The following RAP2A variants were observed in gnomAD, a reference collection of about 807,000 sequenced individuals.
The protein encoded by RAP2A is ras-related protein Rap-2a.
RAP2A carries 5 observed loss-of-function variants against 15.1 expected under a neutral mutation model. The observed-to-expected ratio is 0.33, with a 90% CI of 0.17 to 0.70. The LOEUF is 0.70. Among genes scored for constraint, RAP2A ranks in the 30% least tolerant of loss-of-function variants. The pLI is 0.68. For missense variants in RAP2A, 111 were observed against 240.3 expected, an observed-to-expected ratio of 0.46 and a Z score of 3.56; for synonymous variants, 110 against 99.7, an observed-to-expected ratio of 1.10 and a Z score of -0.62.
rs566319778 is a variant in RAP2A, at chr13:97,463,377, C to T, written c.315-828C>T. Among the ~76,000 whole-genome samples the T allele has an allele frequency of 2.6e-5, 4 of 152,202 alleles. No individual in the cohort carries two copies. In the South Asian group the frequency reaches 8.3e-4, roughly 32 times the overall value. On this transcript the variant is annotated intron_variant, in intron 1 of 1. Transcript: ENST00000245304. Reference sequence around the variant, plus strand: ...TCACTTACTATTTTTATTAGTTTAGCTTTTTCCAAACGTGTTTACTCAGAG... The same window carrying T: ...TCACTTACTATTTTTATTAGTTTAGTTTTTTCCAAACGTGTTTACTCAGAG...
intron 1 of RAP2A, among the ~76,000 whole-genome samples, chr13:97,435,219 A>T (rs2066627810): frequency 6.6e-6 from 1 of 152,216 alleles, no homozygotes; most frequent in Admixed American, 6.5e-5. Flanking sequence ...AGTCAAGTCC[A>T]GAGGAAGGAG....
At chr13:97,458,210 A>C (rs2066732027) in intron 1 of RAP2A, among the ~76,000 whole-genome samples, 1 of 152,192 alleles carries the variant, frequency 6.6e-6, no homozygotes, top group Non-Finnish European at 1.5e-5. Context: ...TGAAAAGATG[A>C]ATGAGGGGAC....
Position 97,434,441 on chromosome 13 carries a change from G to C in RAP2A, c.-30G>C. ...GCCGGCGTAGGTCTATGTCGCGGGCGGCGGCGGCGGCGGCGGCCGCGGAGG... is the reference window on the plus strand; with the variant it reads ...GCCGGCGTAGGTCTATGTCGCGGGCCGCGGCGGCGGCGGCGGCCGCGGAGG... On this transcript the variant is annotated 5_prime_UTR_variant, in exon 1 of 2. Coordinates refer to ENST00000245304, the MANE Select transcript of RAP2A (RefSeq NM_021033.7). 1 of 1,545,704 alleles carries C rather than the reference G, an allele frequency of 6.5e-7. No homozygotes were observed. Among genetic ancestry groups the C allele is most frequent in the Non-Finnish European group, 8.7e-7 (1 of 1,145,276 alleles).
rs903885941 is a variant in RAP2A, at chr13:97,467,464, A to C, written c.*3022A>C. 4 of 152,550 alleles carry C rather than the reference A, an allele frequency of 2.6e-5. No homozygotes were observed. Among genetic ancestry groups the C allele is most frequent in the Non-Finnish European group, 4.4e-5 (3 of 68,034 alleles). The allele number at this position is 152,550 out of a possible 1,614,324, so 9.4% of individuals were successfully genotyped here. A position where few individuals can be genotyped will look rare whatever the true frequency, so the allele number is the denominator to read the frequency against. ...TTTTCTATATAAAGAAATGTTGCCT[A>C]AGGCTGTCTGGTATTTCTTTTCAAG... On this transcript the variant is annotated 3_prime_UTR_variant, in exon 2 of 2. Coordinates refer to ENST00000245304, the MANE Select transcript of RAP2A (RefSeq NM_021033.7).
At chr13:97,461,990 T>TATATATATATATATATATA (rs1566475726) in intron 1 of RAP2A, among the ~76,000 whole-genome samples, 3 of 141,768 alleles carry the variant, frequency 2.1e-5, no homozygotes, top group African/African-American at 7.9e-5. Context: ...ATATATATAT[T>TATATATATATATATATATA]TATATATTTA....
intron 1 of RAP2A, among the ~76,000 whole-genome samples, chr13:97,439,825 C>T (rs1337409112): frequency 2.0e-5 from 3 of 151,926 alleles, no homozygotes; most frequent in East Asian, 1.9e-4. Flanking sequence ...TTGCAGTAGG[C>T]GAGAAGGCGT....
In RAP2A at chr13:97,464,661, A is replaced by G. The variant is rs1264307696; in HGVS notation, c.*219A>G. The G allele has an allele frequency of 3.5e-6, 2 of 570,906 alleles. No homozygotes were observed. Among genetic ancestry groups the G allele is most frequent in the Non-Finnish European group, 6.2e-6 (2 of 321,624 alleles). The allele number at this position is 570,906 out of a possible 1,614,324, so 35.4% of individuals were successfully genotyped here. ...CATTTGTCCTCAGTCTCCTTTATGCATCTGCAACTTTAAGGCATAGTCCAT... is the reference window on the plus strand; with the variant it reads ...CATTTGTCCTCAGTCTCCTTTATGCGTCTGCAACTTTAAGGCATAGTCCAT... On this transcript the variant is annotated 3_prime_UTR_variant, in exon 2 of 2. Transcript: ENST00000245304.
At chr13:97,453,957 G>A (rs1180448803) in intron 1 of RAP2A, among the ~76,000 whole-genome samples, 3 of 151,218 alleles carry the variant, frequency 2.0e-5, no homozygotes, top group African/African-American at 7.3e-5. Flanking sequence ...TCAGTGAAAT[G>A]TCTATTCATG....
Position 97,467,973 on chromosome 13 carries a change from A to G in RAP2A, c.*3531A>G. ...ATTTGGAGTTAAATTATTTTAACAAATAAATTTATTTAATGAAACTCTGGA... is the reference window on the plus strand; with the variant it reads ...ATTTGGAGTTAAATTATTTTAACAAGTAAATTTATTTAATGAAACTCTGGA... On this transcript the variant is annotated 3_prime_UTR_variant, in exon 2 of 2. Coordinates refer to ENST00000245304, the MANE Select transcript of RAP2A (RefSeq NM_021033.7). The G allele has an allele frequency of 6.6e-6, 1 of 152,456 alleles. No individual in the cohort carries two copies. Among genetic ancestry groups the G allele is most frequent in the Middle Eastern group, 3.2e-3 (1 of 314 alleles). The allele number at this position is 152,456 out of a possible 1,614,324, so 9.4% of individuals were successfully genotyped here.
chr13:97,439,510 C>G (rs1224763798), intron 1 of RAP2A, among the ~76,000 whole-genome samples: 1 of 152,060 alleles, frequency 6.6e-6, no homozygotes, highest in Non-Finnish European at 1.5e-5. Flanking sequence ...TTGAAATGAA[C>G]AAATAGGATT....
chr13:97,445,930 A>G (rs541223827), intron 1 of RAP2A, among the ~76,000 whole-genome samples: 1 of 152,212 alleles, frequency 6.6e-6, no homozygotes, highest in African/African-American at 2.4e-5. Context: ...ATCTGGTTTT[A>G]TTGAAGGAAA....
At chr13:97,450,447 C>T (rs1004118152) in intron 1 of RAP2A, among the ~76,000 whole-genome samples, 3 of 152,046 alleles carry the variant, frequency 2.0e-5, no homozygotes, top group African/African-American at 4.8e-5. Context: ...TCTTCCCCTT[C>T]GAGAGATGAA....
At chr13:97,459,879 TGTAA>T (rs1394749580) in intron 1 of RAP2A, among the ~76,000 whole-genome samples, 2 of 152,258 alleles carry the variant, frequency 1.3e-5, no homozygotes, top group African/African-American at 4.8e-5. Flanking sequence ...TGTCCATTGA[TGTAA>T]GTGTCTAGAA....
Position 97,464,597 on chromosome 13 carries a change from C to A in RAP2A, c.*155C>A, listed in dbSNP as rs537178431. Reference sequence around the variant, plus strand: ...TTGAGCAGTGATTGTCAGTTGATATCTCTGAGTAACATTTGGGTTCAGTAA... The same window carrying A: ...TTGAGCAGTGATTGTCAGTTGATATATCTGAGTAACATTTGGGTTCAGTAA... On this transcript the variant is annotated 3_prime_UTR_variant, in exon 2 of 2. Coordinates refer to ENST00000245304, the MANE Select transcript of RAP2A (RefSeq NM_021033.7). The A allele has an allele frequency of 1.7e-4, 124 of 713,204 alleles. 1 individual carries two copies. The South Asian group carries it at 2.1e-3, about 12-fold the overall frequency. The allele number at this position is 713,204 out of a possible 1,614,324, so 44.2% of individuals were successfully genotyped here. A position where few individuals can be genotyped will look rare whatever the true frequency, so the allele number is the denominator to read the frequency against.
chr13:97,442,300 T>C (rs1353864560), intron 1 of RAP2A, among the ~76,000 whole-genome samples: 1 of 152,116 alleles, frequency 6.6e-6, no homozygotes, highest in Admixed American at 6.5e-5. Context: ...AGATGGGGAT[T>C]TGTTTTTGTT....
Position 97,460,680 on chromosome 13 carries a change from A to G in RAP2A, c.315-3525A>G, listed in dbSNP as rs541834459. On this transcript the variant is annotated intron_variant, in intron 1 of 1. Coordinates refer to ENST00000245304, the MANE Select transcript of RAP2A (RefSeq NM_021033.7). ...AGATTTCTCCAAATGTTACCTTCAT[A>G]TGGGACCCTATTCTGTCACCCCAAT... Among the ~76,000 whole-genome samples, 13 of 152,226 alleles carry G rather than the reference A, an allele frequency of 8.5e-5. No homozygotes were observed. The South Asian group carries it at 2.7e-3, about 32-fold the overall frequency.
At chr13:97,455,089 A>G (rs2066717375) in intron 1 of RAP2A, among the ~76,000 whole-genome samples, 1 of 151,334 alleles carries the variant, frequency 6.6e-6, no homozygotes, top group South Asian at 2.1e-4. Context: ...GCTTTGACAT[A>G]GTTCTGCTCA....
At chr13:97,443,956 A>G (rs1279439342) in intron 1 of RAP2A, among the ~76,000 whole-genome samples, 1 of 152,240 alleles carries the variant, frequency 6.6e-6, no homozygotes, top group East Asian at 1.9e-4. Flanking sequence ...TTCTTTACAT[A>G]GTGAACCTAA....
At chr13:97,447,676 C>T (rs908554700) in intron 1 of RAP2A, among the ~76,000 whole-genome samples, 2 of 152,114 alleles carry the variant, frequency 1.3e-5, no homozygotes, top group African/African-American at 4.8e-5. Flanking sequence ...GCGTTTTTAG[C>T]CTGGTGGCCA....
Sources: gnomAD v4.1 joint callset for allele counts (sites outside exome capture counted in the v4.1 genomes callset) on GRCh38, gnomAD v4.1.1 for gene constraint, MANE v1.5 for transcripts, NCBI Gene and HGNC (gene_info 2026-07-23, HGNC 2026-07-21) for gene names.